CDH4: variants seen among roughly 807,000 people sequenced by gnomAD.
The protein encoded by CDH4 is cadherin 4, also known as cadherin-4.
In CDH4, 33 loss-of-function variants were observed where a neutral mutation model predicts 86.0. That is an observed-to-expected ratio of 0.38 (90% CI 0.29 to 0.51). The LOEUF (loss-of-function observed/expected upper bound fraction) is 0.51, where lower values mean the gene tolerates loss of function less well. Among genes scored for constraint, CDH4 ranks in the 20% least tolerant of loss-of-function variants. CDH4 has a pLI of 0.86. For missense variants in CDH4, 1,114 were observed against 1,307.4 expected (o/e 0.85, Z 2.28); for synonymous variants, 555 against 549.4 (o/e 1.01, Z -0.14).
At chr20:61,444,332 T>A (rs2085332237) in intron 2 of CDH4, among the ~76,000 whole-genome samples, 7 of 143,114 alleles carry the variant, frequency 4.9e-5, no homozygotes, top group African/African-American at 1.8e-4. Context: ...TGCACGTGTG[T>A]TTCTCTGTGT....
intron 2 of CDH4, among the ~76,000 whole-genome samples, chr20:61,468,572 T>C (rs1321397926): frequency 6.6e-6 from 1 of 152,184 alleles, no homozygotes; most frequent in Non-Finnish European, 1.5e-5. Context: ...CTTTTAGTTA[T>C]TTTAAAATAC....
intron 5 of CDH4, among the ~76,000 whole-genome samples, chr20:61,850,015 C>T (rs552895012): frequency 1.6e-3 from 241 of 152,334 alleles, no homozygotes; most frequent in African/African-American, 5.7e-3. Context: ...GACGCATCCC[C>T]AGCCTGAGTA....
chr20:61,359,124 T>G (rs1378844829), intron 2 of CDH4, among the ~76,000 whole-genome samples: 1 of 152,176 alleles, frequency 6.6e-6, no homozygotes, highest in Non-Finnish European at 1.5e-5. Context: ...GTTCGTTAAC[T>G]CATGGGAAGT....
chr20:61,698,823 A>G (rs904499096), intron 2 of CDH4, among the ~76,000 whole-genome samples: 1 of 152,210 alleles, frequency 6.6e-6, no homozygotes, highest in Non-Finnish European at 1.5e-5. Context: ...CCGAGCTTGG[A>G]TGTGCTTAGC....
intron 2 of CDH4, among the ~76,000 whole-genome samples, chr20:61,308,657 T>C (rs1262553889): frequency 6.6e-6 from 1 of 152,182 alleles, no homozygotes; most frequent in South Asian, 2.1e-4. Context: ...ACAAAATGCT[T>C]AGTGTGTTTC....
intron 2 of CDH4, among the ~76,000 whole-genome samples, chr20:61,545,229 G>A (rs998214002): frequency 1.3e-5 from 2 of 152,232 alleles, no homozygotes; most frequent in Admixed American, 6.5e-5. Flanking sequence ...TAAAAAGACC[G>A]AGCAGTTTTC....
chr20:61,383,472 AATAT>A (rs1280392473), intron 2 of CDH4, among the ~76,000 whole-genome samples: 1,338 of 29,398 alleles, frequency 0.046, 191 homozygotes, highest in Non-Finnish European at 0.06. Flanking sequence ...GATATATATG[AATAT>A]ATATGATATA....
intron 2 of CDH4, chr20:61,570,847 T>A: frequency 2.9e-6 from 2 of 698,384 alleles, no homozygotes; most frequent in Non-Finnish European, 5.2e-6. Context: ...CCCTTCCAAG[T>A]GTGTTGCGTT....
Position 61,580,925 on chromosome 20 carries a change from G to A in CDH4, c.170-162638G>A, listed in dbSNP as rs577695057. 5.3e-5 allele frequency among the ~76,000 whole-genome samples: 8 copies of A among 152,316 alleles called. No homozygotes were observed. The East Asian group carries it at 1.4e-3, about 26-fold the overall frequency. On this transcript the variant is annotated intron_variant, in intron 2 of 15. Coordinates refer to ENST00000614565, the MANE Select transcript of CDH4 (RefSeq NM_001794.5). ...CACACCCCAACAAACAGCAGGACCCGAGGACCTGAGGATAAGTCAGAGTCT... is the reference window on the plus strand; with the variant it reads ...CACACCCCAACAAACAGCAGGACCCAAGGACCTGAGGATAAGTCAGAGTCT...
chr20:61,417,196 G>C lies in CDH4; in HGVS notation c.169+162259G>C, dbSNP rs2085151772. 6.6e-6 allele frequency among the ~76,000 whole-genome samples: 1 copy of C among 151,950 alleles called. No homozygotes were observed. The highest frequency in any genetic ancestry group is 1.5e-5 in the Non-Finnish European group (1 of 67,996). ...ACTCTGTTGGGGGCATGCAGTCCTGGTCTCCAAGAGACTCACTCTTTCTCT... is the reference window on the plus strand; with the variant it reads ...ACTCTGTTGGGGGCATGCAGTCCTGCTCTCCAAGAGACTCACTCTTTCTCT... On this transcript the variant is annotated intron_variant, in intron 2 of 15. Transcript: ENST00000614565. This position sits in a 1 kb window ranked among gnomAD's most constrained non-coding sequence, Gnocchi z 4.0.
intron 2 of CDH4, among the ~76,000 whole-genome samples, chr20:61,692,135 CTGTA>C (rs375291504): frequency 0.011 from 1,598 of 140,730 alleles, 27 homozygotes; most frequent in African/African-American, 0.039. Flanking sequence ...CTGTGTGTGT[CTGTA>C]TGTATGTGTG....
intron 2 of CDH4, among the ~76,000 whole-genome samples, chr20:61,713,468 G>T (rs546205706): frequency 6.6e-6 from 1 of 152,228 alleles, no homozygotes; most frequent in East Asian, 1.9e-4. Context: ...ACACGTGTTC[G>T]TGGGGAAATC....
In CDH4 at chr20:61,807,974, C is replaced by T. The variant is rs1980229351; in HGVS notation, c.576+34792C>T. On this transcript the variant is annotated intron_variant, in intron 4 of 15. Transcript: ENST00000614565. The surrounding 1 kb of genome is among the most constrained non-coding windows in gnomAD (Gnocchi z 4.5). Reference sequence around the variant, plus strand: ...GCCTCAGGGCAAGCTGCCATAGCAGCGATGAGCCCACACACGTCTCCAGCC... The same window carrying T: ...GCCTCAGGGCAAGCTGCCATAGCAGTGATGAGCCCACACACGTCTCCAGCC... Among the ~76,000 whole-genome samples, 2 of 152,210 alleles carry T rather than the reference C, an allele frequency of 1.3e-5. No individual in the cohort carries two copies. Among genetic ancestry groups the T allele is most frequent in the Admixed American group, 1.3e-4 (2 of 15,294 alleles).
intron 3 of CDH4, among the ~76,000 whole-genome samples, chr20:61,753,133 G>C (rs2088519824): frequency 6.6e-6 from 1 of 152,134 alleles, no homozygotes; most frequent in Non-Finnish European, 1.5e-5. Flanking sequence ...GAAACAAATG[G>C]CCTCCTTCAA....
chr20:61,377,525 G>A lies in CDH4; in HGVS notation c.169+122588G>A, dbSNP rs149750011. 1.1e-4 allele frequency among the ~76,000 whole-genome samples: 16 copies of A among 152,254 alleles called. No homozygotes were observed. In the East Asian group the frequency reaches 2.9e-3, roughly 28 times the overall value. ...TGTATAAAGAGGAGGCTGTGGTTACGGTGACCTTCAAATGTCCTTGTTAAA... is the reference window on the plus strand; with the variant it reads ...TGTATAAAGAGGAGGCTGTGGTTACAGTGACCTTCAAATGTCCTTGTTAAA... On this transcript the variant is annotated intron_variant, in intron 2 of 15. Transcript: ENST00000614565. This position sits in a 1 kb window ranked among gnomAD's most constrained non-coding sequence, Gnocchi z 4.0.
At chr20:61,830,231 C>T (rs1452503274) in intron 4 of CDH4, among the ~76,000 whole-genome samples, 1 of 152,020 alleles carries the variant, frequency 6.6e-6, no homozygotes, top group African/African-American at 2.4e-5. Flanking sequence ...CAGGCGAGTC[C>T]TCTCTTGTCA....
intron 4 of CDH4, among the ~76,000 whole-genome samples, chr20:61,797,810 G>A (rs1489694652): frequency 1.3e-5 from 2 of 152,108 alleles, no homozygotes; most frequent in Non-Finnish European, 2.9e-5. Flanking sequence ...AAAGACAAAT[G>A]TCCGGCCAGG....
chr20:61,570,033 G>A (rs1250415106), intron 2 of CDH4: 3 of 152,342 alleles, frequency 2.0e-5, no homozygotes, highest in East Asian at 3.9e-4. Context: ...CCCATTGCTT[G>A]CTGGAGTGAC....
At chr20:61,462,091 A>G (rs1358614492) in intron 2 of CDH4, among the ~76,000 whole-genome samples, 2 of 152,242 alleles carry the variant, frequency 1.3e-5, no homozygotes, top group Non-Finnish European at 2.9e-5. Context: ...GGATTAATGA[A>G]TAAATCCAAA....
Sources: gnomAD v4.1 joint callset for allele counts (sites outside exome capture counted in the v4.1 genomes callset) on GRCh38, gnomAD v4.1.1 for gene constraint, Gnocchi (gnomAD v3.1) non-coding constraint, MANE v1.5 for transcripts, NCBI Gene and HGNC (gene_info 2026-07-23, HGNC 2026-07-21) for gene names.